AMBRA1: variants seen among roughly 807,000 people sequenced by gnomAD.
AMBRA1 encodes the protein activating molecule in BECN1-regulated autophagy protein 1.
Under a neutral mutation model 125.4 loss-of-function variants are expected in AMBRA1, and 47 were observed. That is an observed-to-expected ratio of 0.37 (90% CI 0.30 to 0.48). The LOEUF is 0.48. Among genes scored for constraint, AMBRA1 ranks in the 20% least tolerant of loss-of-function variants. The probability of loss-of-function intolerance (pLI) is 0.99; values close to 1 mark genes in which losing one functional copy is unlikely to be tolerated. For missense variants in AMBRA1, 1,331 were observed against 1,693.4 expected (o/e 0.79, Z 3.76); for synonymous variants, 626 against 655.5 (o/e 0.95, Z 0.69).
intron 7 of AMBRA1, among the ~76,000 whole-genome samples, chr11:46,539,059 T>C (rs1952616341): frequency 6.6e-6 from 1 of 151,504 alleles, no homozygotes; most frequent in African/African-American, 2.4e-5. Flanking sequence ...CTCTAGAAAA[T>C]CTAGTGGTTA....
At chr11:46,417,206 T>C (rs563353895) in intron 15 of AMBRA1, among the ~76,000 whole-genome samples, 1 of 152,154 alleles carries the variant, frequency 6.6e-6, no homozygotes, top group Non-Finnish European at 1.5e-5. Flanking sequence ...CACGTGCCAC[T>C]ATGCCCGGCT....
chr11:46,528,282 C>T (rs1297306785), intron 7 of AMBRA1, among the ~76,000 whole-genome samples: 2 of 152,216 alleles, frequency 1.3e-5, no homozygotes, highest in African/African-American at 2.4e-5. Context: ...AGCGATTCTC[C>T]TGCCTCAGCC....
intron 11 of AMBRA1, among the ~76,000 whole-genome samples, chr11:46,487,494 G>C (rs1278126604): frequency 6.6e-6 from 1 of 152,058 alleles, no homozygotes; most frequent in Non-Finnish European, 1.5e-5. Context: ...TAATCAATAA[G>C]TTAACACCAC....
intron 7 of AMBRA1, among the ~76,000 whole-genome samples, chr11:46,535,820 T>C (rs988058502): frequency 1.3e-5 from 2 of 152,186 alleles, no homozygotes; most frequent in Non-Finnish European, 2.9e-5. Flanking sequence ...ATGATGCCAG[T>C]GCTCTCGAGG....
intron 1 of AMBRA1, among the ~76,000 whole-genome samples, chr11:46,567,848 A>T (rs2043590450): frequency 1.3e-5 from 2 of 151,902 alleles, no homozygotes. Context: ...GCCAAACTAT[A>T]CTTGAAAAAC....
chr11:46,586,984 C>T (rs2135336858), intron 1 of AMBRA1, among the ~76,000 whole-genome samples: 1 of 152,254 alleles, frequency 6.6e-6, no homozygotes, highest in Admixed American at 6.5e-5. Context: ...ATTTCAGATG[C>T]TTCATTATAC....
chr11:46,539,220 T>C (rs924446305), intron 7 of AMBRA1, among the ~76,000 whole-genome samples: 80 of 152,052 alleles, frequency 5.3e-4, no homozygotes, highest in African/African-American at 1.6e-3. Flanking sequence ...TGTTTGAAGA[T>C]TTCCATAATA....
In AMBRA1 at chr11:46,543,251, C is replaced by A; in HGVS notation, c.766G>T (p.Val256Leu). ...MLSSRSSGIQVGEQSTVQDSA... is the reference protein window; with the variant it reads ...MLSSRSSGIQLGEQSTVQDSA... ...TCTTGCACTGTGCTTTGCTCTCCCA[C>A]CTGGATGCCAGAAGAGCGGGAGGAC... is the stretch of plus-strand genomic sequence containing the variant. Residue 256 changes from valine to leucine, a missense_variant, in exon 7 of 18, where the codon GTG becomes TTG. This residue lies in a region of AMBRA1 where 689 missense variants were observed against 776.5 expected (regional missense o/e 0.89). Coordinates refer to ENST00000683756, the MANE Select transcript of AMBRA1 (RefSeq NM_001387011.1). 6.2e-7 allele frequency: 1 copy of A among 1,613,862 alleles called. No homozygotes were observed. Among genetic ancestry groups the A allele is most frequent in the Non-Finnish European group, 8.5e-7 (1 of 1,179,960 alleles).
intron 7 of AMBRA1, among the ~76,000 whole-genome samples, chr11:46,525,153 T>C (rs1225220286): frequency 6.6e-6 from 1 of 151,302 alleles, no homozygotes; most frequent in Non-Finnish European, 1.5e-5. Flanking sequence ...ATTTAAAAAT[T>C]ATCTGGGCAT....
chr11:46,492,102 A>T (rs1950483635), intron 11 of AMBRA1, among the ~76,000 whole-genome samples: 1 of 152,200 alleles, frequency 6.6e-6, no homozygotes, highest in Non-Finnish European at 1.5e-5. Context: ...GCCACACAGA[A>T]GTGCCAGGCA....
At chr11:46,461,780 T>G (rs142729064) in intron 11 of AMBRA1, among the ~76,000 whole-genome samples, 74 of 152,336 alleles carry the variant, frequency 4.9e-4, no homozygotes, top group Non-Finnish European at 9.4e-4. Context: ...ATAAACTTTG[T>G]ACCCCACAAA....
At chr11:46,508,108 C>T (rs2135036625) in intron 9 of AMBRA1, 83 bp downstream of exon 9, 2 of 1,390,448 alleles carry the variant, frequency 1.4e-6, no homozygotes, top group Middle Eastern at 2.2e-4. Context: ...GAACATCCAC[C>T]ATTGTAGCTC....
intron 1 of AMBRA1, among the ~76,000 whole-genome samples, chr11:46,557,037 G>A (rs945746506): frequency 3.3e-5 from 5 of 152,000 alleles, no homozygotes; most frequent in Admixed American, 2.0e-4. Context: ...TTAGGAGGCT[G>A]AGGCAGGAGA....
intron 1 of AMBRA1, among the ~76,000 whole-genome samples, chr11:46,590,899 T>A (rs1448934512): frequency 1.4e-5 from 2 of 140,602 alleles, no homozygotes; most frequent in African/African-American, 5.4e-5. Context: ...GGCGGCAGAG[T>A]GAGACTCCAT....
intron 11 of AMBRA1, among the ~76,000 whole-genome samples, chr11:46,470,588 CAAAAA>C (rs766521795): frequency 4.9e-4 from 26 of 53,450 alleles, no homozygotes; most frequent in African/African-American, 1.8e-3. Flanking sequence ...GACTCCGTCT[CAAAAA>C]AAAAAAAAAA....
rs2044700042 is a variant in AMBRA1 at position 46,594,003 on chromosome 11, C to T, written c.-296G>A. The stretch of plus-strand genomic sequence containing the variant: ...CCCTCGACCCGGCGCCGCCGCCGCT[C>T]AGGAGACATCAAGCAAGAAGACGGC... On this transcript the variant is annotated 5_prime_UTR_variant, in exon 1 of 18. Coordinates refer to ENST00000683756, the MANE Select transcript of AMBRA1 (RefSeq NM_001387011.1). The T allele has an allele frequency of 5.0e-6, 2 of 398,536 alleles. No homozygotes were observed. The highest frequency in any genetic ancestry group is 8.8e-6 in the Non-Finnish European group (2 of 226,098). 24.7% of individuals were successfully genotyped at this position (398,536 alleles called of 1,614,324 possible).
In AMBRA1 at chr11:46,513,435, A is replaced by T. The variant is rs974059910; in HGVS notation, c.2073-622T>A. On this transcript the variant is annotated intron_variant, in intron 7 of 17. Transcript: ENST00000683756. The stretch of plus-strand genomic sequence containing the variant: ...TCAACTGATCATATGTGATACGTAC[A>T]TTTTATTGAACACTTTTTTTGATGC... Among the ~76,000 whole-genome samples, 12 of 152,260 alleles carry T rather than the reference A, an allele frequency of 7.9e-5. No homozygotes were observed. The East Asian group carries it at 2.3e-3, about 29-fold the overall frequency.
At chr11:46,516,420 T>C (rs1951484883) in intron 7 of AMBRA1, among the ~76,000 whole-genome samples, 1 of 142,976 alleles carries the variant, frequency 7.0e-6, no homozygotes, top group African/African-American at 2.7e-5. Flanking sequence ...AAGAAAGATC[T>C]TTCTTTTTTT....
intron 17 of AMBRA1, among the ~76,000 whole-genome samples, chr11:46,402,651 A>C (rs1316145595): frequency 6.6e-6 from 1 of 152,194 alleles, no homozygotes; most frequent in African/African-American, 2.4e-5. Flanking sequence ...GGCATGAGCC[A>C]CTGGAGAAGC....
Sources: gnomAD v4.1 joint callset for allele counts (sites outside exome capture counted in the v4.1 genomes callset) on GRCh38, gnomAD v4.1.1 for gene constraint, gnomAD v4.1.1 regional missense constraint, MANE v1.5 for transcripts, NCBI Gene and HGNC (gene_info 2026-07-23, HGNC 2026-07-21) for gene names.